Variants in FNDC3B observed in about 807,000 individuals in gnomAD.
The protein encoded by FNDC3B is fibronectin type III domain containing 3B, also known as fibronectin type III domain-containing protein 3B.
A neutral mutation model predicts 151.5 loss-of-function variants in FNDC3B; 12 were observed. The ratio of observed to expected loss-of-function variants is 0.08; its 90% CI spans 0.05 to 0.13. The LOEUF is 0.13. FNDC3B is among the 10% of genes least tolerant of loss of function. The pLI is 1.00. For missense variants in FNDC3B, 1,214 were observed against 1,505.3 expected (o/e 0.81, Z 3.20); for synonymous variants, 528 against 549.0 (o/e 0.96, Z 0.54).
intron 4 of FNDC3B, among the ~76,000 whole-genome samples, chr3:172,241,699 C>T (rs1322080343): frequency 1.3e-5 from 2 of 152,156 alleles, no homozygotes; most frequent in Non-Finnish European, 2.9e-5. Context: ...CTCAGTCCCT[C>T]CCACAACATG....
At chr3:172,216,554 G>A (rs1436525687) in intron 3 of FNDC3B, among the ~76,000 whole-genome samples, 3 of 152,092 alleles carry the variant, frequency 2.0e-5, no homozygotes, top group Admixed American at 2.0e-4. Flanking sequence ...TGTAGTCCCA[G>A]CTACTCAGCT....
At chr3:172,393,301 G>C (rs550655618) in intron 25 of FNDC3B, among the ~76,000 whole-genome samples, 29 of 152,234 alleles carry the variant, frequency 1.9e-4, no homozygotes, top group African/African-American at 6.7e-4. Context: ...ATTATATAAT[G>C]ATAAGAGCAT....
chr3:172,195,517 C>T (rs997336333), intron 3 of FNDC3B, among the ~76,000 whole-genome samples: 10 of 152,202 alleles, frequency 6.6e-5, no homozygotes, highest in African/African-American at 1.4e-4. Flanking sequence ...CCACAACACA[C>T]GTTAAGAATC....
Position 172,110,779 on chromosome 3 carries a change from G to A in FNDC3B, c.-28-1673G>A, listed in dbSNP as rs571220529. ...GATCCTTATACTCAGACCCCCTAAT[G>A]TAAATAACCACCCTGTTAATCCAAC... On this transcript the variant is annotated intron_variant, in intron 1 of 25. Coordinates refer to ENST00000415807, the MANE Select transcript of FNDC3B (RefSeq NM_022763.4). Among the ~76,000 whole-genome samples the A allele has an allele frequency of 1.8e-4, 27 of 152,114 alleles. No individual in the cohort carries two copies. The South Asian group carries it at 5.2e-3, about 29-fold the overall frequency.
chr3:172,186,410 TA>T (rs1206005944), intron 3 of FNDC3B, among the ~76,000 whole-genome samples: 1 of 152,164 alleles, frequency 6.6e-6, no homozygotes, highest in Non-Finnish European at 1.5e-5. Flanking sequence ...GTTAAAAATT[TA>T]AAGATTTATG....
intron 12 of FNDC3B, chr3:172,329,829 C>G (rs950325606): frequency 7.2e-5 from 11 of 152,210 alleles, no homozygotes; most frequent in African/African-American, 2.7e-4. Flanking sequence ...TCAGAGTTCA[C>G]TGGTTGAAAA....
chr3:172,106,293 G>A (rs930040386), intron 1 of FNDC3B, among the ~76,000 whole-genome samples: 1 of 152,102 alleles, frequency 6.6e-6, no homozygotes, highest in African/African-American at 2.4e-5. Flanking sequence ...GCACCACCAT[G>A]CCCAGTTTTC....
At chr3:172,363,846 A>C (rs1305156529) in intron 23 of FNDC3B, among the ~76,000 whole-genome samples, 1 of 152,212 alleles carries the variant, frequency 6.6e-6, no homozygotes, top group Non-Finnish European at 1.5e-5. Flanking sequence ...CCCTACCTCT[A>C]GAAGCATAGT....
chr3:172,080,277 C>CT (rs1195106309), intron 1 of FNDC3B, among the ~76,000 whole-genome samples: 16 of 150,784 alleles, frequency 1.1e-4, no homozygotes, highest in Middle Eastern at 3.4e-3. Flanking sequence ...TTTTTTCTTT[C>CT]TTTTTTTTTA....
At chr3:172,193,816 T>C (rs1049112989) in intron 3 of FNDC3B, among the ~76,000 whole-genome samples, 1 of 152,186 alleles carries the variant, frequency 6.6e-6, no homozygotes, top group Non-Finnish European at 1.5e-5. Flanking sequence ...TTTTCAAAAA[T>C]AACATCATCT....
At chr3:172,148,486 A>G (rs1318601298) in intron 3 of FNDC3B, 1 of 152,192 alleles carries the variant, frequency 6.6e-6, no homozygotes, top group Non-Finnish European at 1.5e-5. Flanking sequence ...CTCAGAATTC[A>G]AAATAGATAG....
chr3:172,238,829 T>A (rs1257589042), intron 4 of FNDC3B, among the ~76,000 whole-genome samples: 1 of 152,208 alleles, frequency 6.6e-6, no homozygotes, highest in African/African-American at 2.4e-5. Context: ...AAAGTAGAAC[T>A]TACACTGGAG....
At chr3:172,124,425 G>A (rs1025662369) in intron 2 of FNDC3B, among the ~76,000 whole-genome samples, 8 of 152,210 alleles carry the variant, frequency 5.3e-5, no homozygotes, top group African/African-American at 1.9e-4. Flanking sequence ...CCATTAACAA[G>A]GCAGAAAGAT....
intron 25 of FNDC3B, among the ~76,000 whole-genome samples, chr3:172,389,387 T>G (rs1735888510): frequency 6.6e-6 from 1 of 151,860 alleles, no homozygotes; most frequent in Non-Finnish European, 1.5e-5. Flanking sequence ...TTGCTGACTT[T>G]TAAGGACATT....
chr3:172,183,403 T>G (rs1449689668), intron 3 of FNDC3B, among the ~76,000 whole-genome samples: 2 of 152,194 alleles, frequency 1.3e-5, no homozygotes, highest in Non-Finnish European at 2.9e-5. Context: ...ATTAACATGA[T>G]TTGCTTAACT....
chr3:172,147,087 T>C (rs1408234501), intron 3 of FNDC3B, among the ~76,000 whole-genome samples: 2 of 151,992 alleles, frequency 1.3e-5, no homozygotes, highest in African/African-American at 4.8e-5. Flanking sequence ...AGGGGAATCA[T>C]TTGAGGTCAG....
intron 1 of FNDC3B, among the ~76,000 whole-genome samples, chr3:172,046,665 T>A (rs2108452768): frequency 6.6e-6 from 1 of 152,290 alleles, no homozygotes; most frequent in Admixed American, 6.5e-5. Flanking sequence ...CTCATCAGTT[T>A]CAAATAACCA....
At chr3:172,368,553 C>G (rs566875) in intron 23 of FNDC3B, among the ~76,000 whole-genome samples, 108,207 of 152,062 alleles carry the variant, frequency 0.71, 39,755 homozygotes, top group East Asian at 0.84. Context: ...TCATGATTCT[C>G]GACATGGGTA....
chr3:172,127,823 C>T (rs570526508), intron 2 of FNDC3B, among the ~76,000 whole-genome samples: 51 of 152,146 alleles, frequency 3.4e-4, no homozygotes, highest in African/African-American at 1.1e-3. Context: ...CCACCATTAC[C>T]CCCGGCTAAT....
Sources: allele counts gnomAD v4.1 joint callset (sites outside exome capture counted in the v4.1 genomes callset), GRCh38; gene constraint gnomAD v4.1.1; transcripts MANE v1.5; gene names NCBI Gene and HGNC (gene_info 2026-07-23, HGNC 2026-07-21).